CD247: variants seen among roughly 807,000 people sequenced by gnomAD.
CD247 encodes the protein CD247 molecule.
CD247 carries 13 observed loss-of-function variants against 30.0 expected under a neutral mutation model. The ratio of observed to expected loss-of-function variants is 0.43; its 90% CI spans 0.28 to 0.69. CD247 has a LOEUF of 0.69. CD247 is among the 30% of genes least tolerant of loss of function. The probability of loss-of-function intolerance (pLI) is 0.16; values close to 1 mark genes in which losing one functional copy is unlikely to be tolerated. For missense variants in CD247, 193 were observed against 212.6 expected (o/e 0.91, Z 0.57); for synonymous variants, 72 against 80.0 (o/e 0.90, Z 0.53).
chr1:167,461,373 T>C (rs1376455181), intron 1 of CD247, among the ~76,000 whole-genome samples: 1 of 152,236 alleles, frequency 6.6e-6, no homozygotes, highest in African/African-American at 2.4e-5. Flanking sequence ...CCTAGATTTA[T>C]ACTATGTGTA....
At chr1:167,439,592 C>T (rs1008260228) in intron 2 of CD247, 192 bp from the exon 3 acceptor site, 2 of 603,824 alleles carry the variant, frequency 3.3e-6, no homozygotes, top group Non-Finnish European at 6.0e-6. Flanking sequence ...GCCCAGTTGT[C>T]CTTTTTCCTC....
At chr1:167,485,677 A>G (rs858554) in intron 1 of CD247, among the ~76,000 whole-genome samples, 88,073 of 151,886 alleles carry the variant, frequency 0.58, 25,960 homozygotes, top group East Asian at 0.87. Flanking sequence ...CTAGGTGGTT[A>G]ACGCCAGGGC....
chr1:167,434,868 C>A (rs1198786810), intron 5 of CD247: 9 of 463,768 alleles, frequency 1.9e-5, no homozygotes, highest in Non-Finnish European at 3.9e-5. Flanking sequence ...TCTGGACAGA[C>A]AAAGACCACA....
intron 1 of CD247, among the ~76,000 whole-genome samples, chr1:167,446,769 G>A (rs113305799): frequency 0.028 from 4,321 of 152,236 alleles, 91 homozygotes; most frequent in Non-Finnish European, 0.039. Context: ...CGAGGCGGGC[G>A]GATCATGAGG....
intron 1 of CD247, among the ~76,000 whole-genome samples, chr1:167,460,860 C>A (rs76879814): frequency 0.022 from 3,320 of 152,232 alleles, 132 homozygotes; most frequent in African/African-American, 0.075. Context: ...CTGGGAGACA[C>A]CAGGGGGACA....
chr1:167,439,150 C>A (rs1033932834), intron 3 of CD247, among the ~76,000 whole-genome samples, 194 bp downstream of exon 3: 2 of 152,126 alleles, frequency 1.3e-5, no homozygotes, highest in Admixed American at 1.3e-4. Flanking sequence ...ATCTTTATGG[C>A]GCCCTTTGAG....
At chr1:167,478,120 G>A (rs1049489008) in intron 1 of CD247, among the ~76,000 whole-genome samples, 4 of 152,240 alleles carry the variant, frequency 2.6e-5, no homozygotes, top group African/African-American at 9.6e-5. Flanking sequence ...AGAGCTGTGA[G>A]GGGCTGAAGA....
chr1:167,444,342 C>T (rs1651972634), intron 1 of CD247, among the ~76,000 whole-genome samples: 1 of 152,232 alleles, frequency 6.6e-6, no homozygotes, highest in Admixed American at 6.5e-5. Flanking sequence ...GTCCTGGCTT[C>T]TTCCCTGTGC....
At chr1:167,446,365 C>T (rs1398531169) in intron 1 of CD247, among the ~76,000 whole-genome samples, 1 of 152,188 alleles carries the variant, frequency 6.6e-6, no homozygotes, top group Non-Finnish European at 1.5e-5. Flanking sequence ...CATAATAAGT[C>T]TTTGAGTCAG....
intron 1 of CD247, among the ~76,000 whole-genome samples, chr1:167,499,372 G>A (rs1046931419): frequency 6.6e-6 from 1 of 152,198 alleles, no homozygotes; most frequent in African/African-American, 2.4e-5. Context: ...ACTTGACCCA[G>A]CTGGAGACTA....
intron 1 of CD247, among the ~76,000 whole-genome samples, chr1:167,480,188 C>T (rs1269117372): frequency 6.6e-6 from 1 of 152,126 alleles, no homozygotes; most frequent in Non-Finnish European, 1.5e-5. Context: ...ACAATCCTGC[C>T]CTGGAGAGAA....
intron 1 of CD247, among the ~76,000 whole-genome samples, chr1:167,468,570 G>T (rs1261581230): frequency 6.6e-6 from 1 of 152,140 alleles, no homozygotes; most frequent in South Asian, 2.1e-4. Context: ...AGCCCAGCAG[G>T]AACTGTTTTA....
intron 1 of CD247, among the ~76,000 whole-genome samples, chr1:167,508,824 C>G (rs1395882281): frequency 6.6e-6 from 1 of 152,152 alleles, no homozygotes; most frequent in Non-Finnish European, 1.5e-5. Context: ...AAGAAGTGAG[C>G]CTGAAGACAA....
At chr1:167,466,843 C>CTTTT (rs58330914) in intron 1 of CD247, among the ~76,000 whole-genome samples, 2,852 of 144,888 alleles carry the variant, frequency 0.02, 107 homozygotes, top group African/African-American at 0.068. Flanking sequence ...TTATCCTCTT[C>CTTTT]TTTTTTTTTT....
chr1:167,446,759 C>T (rs969523470), intron 1 of CD247, among the ~76,000 whole-genome samples: 3 of 152,084 alleles, frequency 2.0e-5, no homozygotes, highest in African/African-American at 2.4e-5. Context: ...TTTGGGAGGC[C>T]GAGGCGGGCG....
intron 1 of CD247, among the ~76,000 whole-genome samples, chr1:167,498,299 T>A (rs1428473576): frequency 6.6e-6 from 1 of 152,216 alleles, no homozygotes; most frequent in Non-Finnish European, 1.5e-5. Flanking sequence ...TGAATCCACA[T>A]CTTCCTAACA....
chr1:167,468,877 C>A (rs1653381870), intron 1 of CD247, among the ~76,000 whole-genome samples: 1 of 151,422 alleles, frequency 6.6e-6, no homozygotes, highest in Admixed American at 6.6e-5. Context: ...ATTAAGGGAA[C>A]CAAAAAATAA....
intron 1 of CD247, among the ~76,000 whole-genome samples, chr1:167,468,724 G>A (rs909458990): frequency 5.3e-5 from 8 of 152,210 alleles, no homozygotes; most frequent in African/African-American, 1.9e-4. Context: ...AACCAAGGCT[G>A]AGAACCCTCA....
chr1:167,490,950 AAATAAT>A (rs756023057), intron 1 of CD247, among the ~76,000 whole-genome samples: 5 of 151,372 alleles, frequency 3.3e-5, no homozygotes, highest in African/African-American at 9.7e-5. Flanking sequence ...AAATAATAAT[AAATAAT>A]AATAATAATA....
Sources: allele counts gnomAD v4.1 joint callset (sites outside exome capture counted in the v4.1 genomes callset), GRCh38; gene constraint gnomAD v4.1.1; transcripts MANE v1.5; gene names NCBI Gene and HGNC (gene_info 2026-07-23, HGNC 2026-07-21).